Variants in ANOS1 observed in about 807,000 individuals in gnomAD.
ANOS1 encodes the protein anosmin-1.
ANOS1 carries 6 observed loss-of-function variants against 59.0 expected under a neutral mutation model. The ratio of observed to expected loss-of-function variants is 0.10; its 90% CI spans 0.06 to 0.20. ANOS1 has a LOEUF of 0.20. ANOS1 is among the 10% of genes least tolerant of loss of function. The pLI is 1.00. For missense variants in ANOS1, 433 were observed against 542.3 expected, an observed-to-expected ratio of 0.80 and a Z score of 2.00; for synonymous variants, 217 against 223.4, an observed-to-expected ratio of 0.97 and a Z score of 0.25.
At chrX:8,595,506 G>C (rs1210689082) in intron 4 of ANOS1, among the ~76,000 whole-genome samples, 1 of 111,925 alleles carries the variant, frequency 8.9e-6, no homozygotes, top group Non-Finnish European at 1.9e-5. Context: ...AGGAAGATGG[G>C]ACAGATACTT....
intron 9 of ANOS1, among the ~76,000 whole-genome samples, chrX:8,542,382 C>A (rs1236467437): frequency 9.0e-6 from 1 of 110,908 alleles, no homozygotes; most frequent in African/African-American, 3.3e-5. Flanking sequence ...GGAAGGTGGG[C>A]TTCAGCAAGC....
At chrX:8,554,542 G>GTTTTTTT (rs757605733) in intron 8 of ANOS1, among the ~76,000 whole-genome samples, 58 of 50,824 alleles carry the variant, frequency 1.1e-3, no homozygotes, top group Admixed American at 5.1e-3. Context: ...GGCTACAGGA[G>GTTTTTTT]TTTTTTTTTT....
intron 2 of ANOS1, among the ~76,000 whole-genome samples, chrX:8,682,329 C>A (rs1401583298): frequency 9.4e-6 from 1 of 106,365 alleles, no homozygotes; most frequent in Non-Finnish European, 1.9e-5. Flanking sequence ...TAAGATCTGG[C>A]TTTTTTCGGA....
At chrX:8,594,643 C>CATATATATATATGTGTATATATATAT (rs1327978808) in intron 4 of ANOS1, among the ~76,000 whole-genome samples, 1 of 45,679 alleles carries the variant, frequency 2.2e-5, no homozygotes, top group Non-Finnish European at 3.9e-5. Context: ...AAAAAATCTA[C>CATATATATATATGTGTATATATATAT]ATATATATAT....
chrX:8,576,059 C>G (rs1476537371), intron 6 of ANOS1, among the ~76,000 whole-genome samples: 1 of 111,557 alleles, frequency 9.0e-6, no homozygotes, highest in Non-Finnish European at 1.9e-5. Flanking sequence ...CAGTGAGGTA[C>G]GACTGCACCA....
intron 6 of ANOS1, among the ~76,000 whole-genome samples, chrX:8,576,148 G>C (rs1214913317): frequency 9.1e-6 from 1 of 110,272 alleles, no homozygotes; most frequent in Admixed American, 9.8e-5. Context: ...AACCAAAAGA[G>C]AGTGGCAGCG....
intron 6 of ANOS1, among the ~76,000 whole-genome samples, chrX:8,582,536 C>A (rs914787732): frequency 9.0e-6 from 1 of 111,673 alleles, no homozygotes; most frequent in Non-Finnish European, 1.9e-5. Flanking sequence ...AAGAACATGG[C>A]TTCTACTCTG....
At chrX:8,638,425 C>G (rs1033590179) in intron 2 of ANOS1, among the ~76,000 whole-genome samples, 1 of 112,224 alleles carries the variant, frequency 8.9e-6, no homozygotes. Flanking sequence ...ATGCATTGGG[C>G]AATCCAAGAG....
Position 8,539,776 on chromosome X carries a change from G to T in ANOS1, c.1355-18C>A, listed in dbSNP as rs774973205. On this transcript the variant is annotated intron_variant, in intron 9 of 13. Coordinates refer to ENST00000262648, the MANE Select transcript of ANOS1 (RefSeq NM_000216.4). Reference sequence around the variant, plus strand: ...AGTGGGATCTATAATGCCAAAACACGCAAACAAAAATAATAGGCTGGATGT... The same window carrying T: ...AGTGGGATCTATAATGCCAAAACACTCAAACAAAAATAATAGGCTGGATGT... The T allele has an allele frequency of 1.7e-6, 2 of 1,207,727 alleles. No individual in the cohort carries two copies. The highest frequency in any genetic ancestry group is 1.8e-5 in the South Asian group (1 of 56,585).
At chrX:8,691,400 A>C (rs755779967) in intron 2 of ANOS1, among the ~76,000 whole-genome samples, 3 of 112,038 alleles carry the variant, frequency 2.7e-5, no homozygotes, top group Non-Finnish European at 3.8e-5. Context: ...TGTACCAAAG[A>C]TTTTATTTAA....
At chrX:8,703,326 G>A (rs775952616) in intron 1 of ANOS1, among the ~76,000 whole-genome samples, 7 of 112,196 alleles carry the variant, frequency 6.2e-5, no homozygotes, top group Admixed American at 4.7e-4. Context: ...GGTTCCAAAA[G>A]TAGGCACAGA....
intron 2 of ANOS1, among the ~76,000 whole-genome samples, chrX:8,693,849 A>G (rs2146895023): frequency 9.6e-6 from 1 of 104,291 alleles, no homozygotes; most frequent in East Asian, 3.1e-4. Context: ...GCAGCCTCCC[A>G]AGTAGCTGGG....
At chrX:8,619,521 T>A (rs1462780976) in intron 3 of ANOS1, among the ~76,000 whole-genome samples, 1 of 111,244 alleles carries the variant, frequency 9.0e-6, no homozygotes, top group Non-Finnish European at 1.9e-5. Context: ...GGAGAATTGC[T>A]GGAACCTGGG....
chrX:8,721,616 C>G (rs1176302678), intron 1 of ANOS1, among the ~76,000 whole-genome samples: 1 of 111,980 alleles, frequency 8.9e-6, no homozygotes, highest in Non-Finnish European at 1.9e-5. Context: ...CTTTTCCTCC[C>G]TTCTTCTTTC....
intron 2 of ANOS1, among the ~76,000 whole-genome samples, chrX:8,679,882 AATTGTG>A (rs955100164): frequency 2.7e-5 from 3 of 111,010 alleles, no homozygotes; most frequent in African/African-American, 9.8e-5. Context: ...TAACCAACTA[AATTGTG>A]AATACTGAAG....
intron 8 of ANOS1, among the ~76,000 whole-genome samples, chrX:8,561,210 G>A (rs758253060): frequency 2.7e-5 from 3 of 112,625 alleles, no homozygotes; most frequent in Admixed American, 9.4e-5. Context: ...AAATAAAAAC[G>A]CACATTTGTT....
In ANOS1 at chrX:8,650,921, A is replaced by G. The variant is rs766191801; in HGVS notation, c.256-27251T>C. Among the ~76,000 whole-genome samples the G allele has an allele frequency of 3.5e-5, 4 of 112,897 alleles. No individual in the cohort carries two copies. The East Asian group carries it at 1.1e-3, about 31-fold the overall frequency. ...AACAGAACTAGTTTATCAATGAAAG[A>G]CATTTCAAAGCCTTGAAAGAAAAAT... On this transcript the variant is annotated intron_variant, in intron 2 of 13. Transcript: ENST00000262648.
chrX:8,546,009 C>T (rs1475486454), intron 9 of ANOS1, among the ~76,000 whole-genome samples: 1 of 111,994 alleles, frequency 8.9e-6, no homozygotes, highest in Non-Finnish European at 1.9e-5. Context: ...GAGTTTCATA[C>T]AGAGGAGATA....
At chrX:8,697,098 C>T (rs1353747523) in intron 2 of ANOS1, among the ~76,000 whole-genome samples, 1 of 111,574 alleles carries the variant, frequency 9.0e-6, no homozygotes, top group Non-Finnish European at 1.9e-5. Context: ...CAAAAATTAG[C>T]CGGGCATGGT....
Sources: allele counts gnomAD v4.1 joint callset (sites outside exome capture counted in the v4.1 genomes callset), GRCh38; gene constraint gnomAD v4.1.1; transcripts MANE v1.5; gene names NCBI Gene and HGNC (gene_info 2026-07-23, HGNC 2026-07-21).